The following ITGB3 variants were observed in gnomAD, a reference collection of about 807,000 sequenced individuals.
ITGB3 encodes the protein integrin beta-3.
A neutral mutation model predicts 85.8 loss-of-function variants in ITGB3; 48 were observed. The ratio of observed to expected loss-of-function variants is 0.56; its 90% CI spans 0.44 to 0.71. The LOEUF is 0.71. ITGB3 is among the 30% of genes least tolerant of loss of function. The pLI is 0.00. For synonymous variants in ITGB3, 363 were observed against 395.6 expected (o/e 0.92, Z 0.98); for missense variants, 861 against 1,019.1 (o/e 0.84, Z 2.11).
chr17:47,308,859 T>C (rs2065201045), intron 14 of ITGB3, among the ~76,000 whole-genome samples: 1 of 152,150 alleles, frequency 6.6e-6, no homozygotes, highest in African/African-American at 2.4e-5. Context: ...GAAAATAGTT[T>C]GGGAAACCTA....
intron 2 of ITGB3, among the ~76,000 whole-genome samples, chr17:47,278,751 G>A (rs1305664790): frequency 2.0e-5 from 3 of 152,186 alleles, no homozygotes; most frequent in Non-Finnish European, 2.9e-5. Context: ...TGTCAGATCC[G>A]TGGTGGCATT....
intron 6 of ITGB3, among the ~76,000 whole-genome samples, chr17:47,287,911 CTTTTTTTTTTTTTTTTT>C (rs60463106): frequency 1.3e-4 from 7 of 55,390 alleles, no homozygotes; most frequent in East Asian, 7.9e-4. Flanking sequence ...ACCACCCCTG[CTTTTTTTTTTTTTTTTT>C]TTTTTTTTTT....
At chr17:47,269,387 C>T (rs539569066) in intron 1 of ITGB3, among the ~76,000 whole-genome samples, 61 of 152,300 alleles carry the variant, frequency 4.0e-4, no homozygotes, top group African/African-American at 1.4e-3. Flanking sequence ...CTGCTTCCTG[C>T]TGCTGTATGC....
chr17:47,308,151 C>T (rs1462512207), intron 14 of ITGB3, among the ~76,000 whole-genome samples: 6 of 48,770 alleles, frequency 1.2e-4, no homozygotes, highest in East Asian at 3.2e-4. Flanking sequence ...GAGCAGGACT[C>T]GGTCTCAAAA....
At chr17:47,278,582 T>C (rs2065071852) in intron 2 of ITGB3, among the ~76,000 whole-genome samples, 1 of 145,670 alleles carries the variant, frequency 6.9e-6, no homozygotes, top group African/African-American at 2.5e-5. Context: ...AAACTCCATC[T>C]AAAAAAAAAA....
Position 47,285,916 on chromosome 17 carries a change from A to G in ITGB3, c.615-344A>G, listed in dbSNP as rs2065100830. Among the ~76,000 whole-genome samples the G allele has an allele frequency of 2.0e-5, 3 of 151,936 alleles. No homozygotes were observed. The South Asian group carries it at 6.2e-4, about 32-fold the overall frequency. On this transcript the variant is annotated intron_variant, in intron 4 of 14. Transcript: ENST00000559488. ...TGTATGAACTTACTTAAGTCTCACA[A>G]CTCTTATGGGATATGTGCTATCCTG...
intron 10 of ITGB3, among the ~76,000 whole-genome samples, chr17:47,297,880 T>G (rs1399905518): frequency 2.8e-5 from 1 of 35,588 alleles, no homozygotes; most frequent in East Asian, 1.1e-3. Context: ...AGACTCTGTC[T>G]CAAAAAAAAA....
Position 47,290,279 on chromosome 17 carries a change from G to T in ITGB3, c.1125+5G>T. The T allele has an allele frequency of 6.2e-7, 1 of 1,612,578 alleles. No homozygotes were observed. The highest frequency in any genetic ancestry group is 8.5e-7 in the Non-Finnish European group (1 of 1,178,792). On this transcript the variant is annotated splice_donor_5th_base_variant and intron_variant, in intron 8 of 14. Transcript: ENST00000559488. ...CTCATTGTTGATGCTTATGGGGTAA[G>T]TGTCTTGTGCTGGGAATAGTCCCGC...
chr17:47,294,870 C>T (rs1401759905), intron 10 of ITGB3, among the ~76,000 whole-genome samples: 7 of 152,196 alleles, frequency 4.6e-5, no homozygotes, highest in East Asian at 1.9e-4. Flanking sequence ...TTCTGTGACT[C>T]GGCCATTTCC....
At position 47,292,409 on chromosome 17, in the gene ITGB3, G is replaced by A. The variant is rs150951945; in HGVS notation, c.1531G>A (p.Glu511Lys). 20 of 1,612,790 alleles carry A rather than the reference G, an allele frequency of 1.2e-5. No individual in the cohort carries two copies. In the African/African-American group the frequency reaches 1.5e-4, roughly 12 times the overall value. ...GGACTATCGCCCTTCCCAGCAGGAC[G>A]AATGCAGCCCCCGGGAGGGTCAGCC... The part of the protein sequence containing the change: ...EEDYRPSQQD[E>K]CSPREGQPVC... The change falls in exon 10 of 15, where the codon GAA becomes AAA. Residue 511 changes from glutamate to lysine, a missense_variant. Glu to Lys is a moderately conservative substitution (Grantham distance 56). Coordinates refer to ENST00000559488, the MANE Select transcript of ITGB3 (RefSeq NM_000212.3).
intron 1 of ITGB3, among the ~76,000 whole-genome samples, chr17:47,271,902 C>T (rs867901877): frequency 1.3e-5 from 2 of 151,116 alleles, no homozygotes; most frequent in South Asian, 4.2e-4. Context: ...CACAGGCGCC[C>T]ACCCCAATGC....
intron 9 of ITGB3, chr17:47,291,481 TA>T (rs2065125433): frequency 2.4e-6 from 1 of 408,384 alleles, no homozygotes; most frequent in Non-Finnish European, 4.4e-6. Flanking sequence ...ATCTAAAATG[TA>T]AAACACTCCA....
At chr17:47,280,516 C>T (rs2065080120) in intron 2 of ITGB3, among the ~76,000 whole-genome samples, 1 of 152,264 alleles carries the variant, frequency 6.6e-6, no homozygotes, top group Non-Finnish European at 1.5e-5. Context: ...ACTACCATGC[C>T]CAGATAATTT....
At chr17:47,257,137 T>C (rs948753032) in intron 1 of ITGB3, among the ~76,000 whole-genome samples, 3 of 152,228 alleles carry the variant, frequency 2.0e-5, no homozygotes, top group African/African-American at 7.2e-5. Context: ...CAACTACTAT[T>C]GTCATTATTC....
chr17:47,300,346 C>CGCGCGCGCGCGTGT (rs377375532), intron 11 of ITGB3, 132 bp from the exon 12 acceptor site: 46 of 619,830 alleles, frequency 7.4e-5, no homozygotes, highest in African/African-American at 6.8e-4. Flanking sequence ...CGCGCGCGCG[C>CGCGCGCGCGCGTGT]GTGTGTGTGT....
At chr17:47,270,099 T>C (rs1328358950) in intron 1 of ITGB3, among the ~76,000 whole-genome samples, 2 of 152,196 alleles carry the variant, frequency 1.3e-5, no homozygotes, top group Non-Finnish European at 2.9e-5. Context: ...ATGAGGATAA[T>C]CATCCCTGTG....
At position 47,292,573 on chromosome 17, in the gene ITGB3, G is replaced by C. The variant is rs1330812888; in HGVS notation, c.1690+5G>C. 6.3e-7 allele frequency: 1 copy of C among 1,599,848 alleles called. No individual in the cohort carries two copies. Among genetic ancestry groups the C allele is most frequent in the Non-Finnish European group, 8.5e-7 (1 of 1,179,862 alleles). ...ACAAGGGGGAGATGTGCTCAGGTGA[G>C]GAGAACTGCAGGGCCCCCTGTCCTG... On this transcript the variant is annotated splice_donor_5th_base_variant and intron_variant, in intron 10 of 14. Transcript: ENST00000559488.
At chr17:47,285,515 G>T (rs79166374) in intron 4 of ITGB3, among the ~76,000 whole-genome samples, 6,794 of 152,240 alleles carry the variant, frequency 0.045, 207 homozygotes, top group Middle Eastern at 0.16. Flanking sequence ...CTACAGGGAG[G>T]CTGAGGTGGG....
In ITGB3 at chr17:47,292,148, A is replaced by C; in HGVS notation, c.1270A>C (p.Ser424Arg). The part of the protein sequence containing the change: ...GLKIGDTVSF[S>R]IEAKVRGCPQ... ...CTTTCTTTCCATCCAGGTGAGCTTC[A>C]GCATTGAGGCCAAGGTGCGAGGCTG... Residue 424 changes from serine to arginine, a missense_variant, in exon 10 of 15, where the codon AGC becomes CGC. Ser to Arg is a moderately radical substitution (Grantham distance 110). Transcript: ENST00000559488. 1.2e-6 allele frequency: 2 copies of C among 1,614,148 alleles called. No homozygotes were observed. Among genetic ancestry groups the C allele is most frequent in the Non-Finnish European group, 1.7e-6 (2 of 1,179,996 alleles).
Sources: allele counts gnomAD v4.1 joint callset (sites outside exome capture counted in the v4.1 genomes callset), GRCh38; gene constraint gnomAD v4.1.1; transcripts MANE v1.5; gene names NCBI Gene and HGNC (gene_info 2026-07-23, HGNC 2026-07-21).